Variants in LY75 observed in about 807,000 individuals in gnomAD.
LY75 encodes the protein lymphocyte antigen 75.
A neutral mutation model predicts 231.7 loss-of-function variants in LY75; 185 were observed. That is an observed-to-expected ratio of 0.80 (90% CI 0.71 to 0.90). The LOEUF (loss-of-function observed/expected upper bound fraction) is 0.90. Ranked by LOEUF, LY75 falls within the 40% of genes least tolerant of loss-of-function variation. LY75 has a pLI of 0.00. For missense variants in LY75, 1,947 were observed against 2,050.2 expected (o/e 0.95, Z 0.97); for synonymous variants, 668 against 689.0 (o/e 0.97, Z 0.48).
In LY75 at chr2:159,854,342, T is replaced by C. The variant is rs1468617434; in HGVS notation, c.2595+18A>G. On this transcript the variant is annotated intron_variant, in intron 18 of 34. Transcript: ENST00000263636. ...ACAAAAATAAGAAATATATTTAAAA[T>C]ATATTCTTTTAAATTACATTTGCTA... The C allele has an allele frequency of 7.5e-7, 1 of 1,326,386 alleles. No individual in the cohort carries two copies. Among genetic ancestry groups the C allele is most frequent in the Non-Finnish European group, 9.8e-7 (1 of 1,020,888 alleles). The allele number at this position is 1,326,386 out of a possible 1,614,324, so 82.2% of individuals were successfully genotyped here. A position where few individuals can be genotyped will look rare whatever the true frequency, so the allele number is the denominator to read the frequency against.
intron 23 of LY75, among the ~76,000 whole-genome samples, chr2:159,844,486 T>C (rs1052065627): frequency 3.9e-5 from 6 of 152,114 alleles, no homozygotes; most frequent in Non-Finnish European, 8.8e-5. Context: ...CCTGTTGAGG[T>C]CCAGATCAAG....
At chr2:159,808,352 A>G in intron 33 of LY75, 97 bp downstream of exon 33, 2 of 1,595,308 alleles carry the variant, frequency 1.3e-6, no homozygotes, top group Non-Finnish European at 8.5e-7. Context: ...AGGCATCTGA[A>G]TTAGCCACTA....
At position 159,807,947 on chromosome 2, in the gene LY75, C is replaced by T. The variant is rs192874114; in HGVS notation, c.4822+502G>A. 6.3e-5 allele frequency: 61 copies of T among 960,986 alleles called. No homozygotes were observed. The African/African-American group carries it at 8.1e-4, about 13-fold the overall frequency. 59.5% of individuals were successfully genotyped at this position (960,986 alleles called of 1,614,324 possible). On this transcript the variant is annotated intron_variant, in intron 33 of 34. Coordinates refer to ENST00000263636, the MANE Select transcript of LY75 (RefSeq NM_002349.4). ...TAATGGCAAAAGCTGCAATTACTTT[C>T]ACACCAACCTAACACTAAGACAGTT...
At chr2:159,822,496 TGGGCA>T (rs2125835052) in intron 28 of LY75, among the ~76,000 whole-genome samples, 1 of 152,322 alleles carries the variant, frequency 6.6e-6, no homozygotes, top group East Asian at 1.9e-4. Flanking sequence ...TTCTCCTCTC[TGGGCA>T]GGGCATCTCT....
In LY75 at chr2:159,853,395, G is replaced by T. The variant is rs776381057; in HGVS notation, c.2664-43C>A. 11 of 1,596,128 alleles carry T rather than the reference G, an allele frequency of 6.9e-6. 1 individual carries two copies. The South Asian group carries it at 1.2e-4, about 18-fold the overall frequency. On this transcript the variant is annotated intron_variant, in intron 19 of 34. Coordinates refer to ENST00000263636, the MANE Select transcript of LY75 (RefSeq NM_002349.4). ...ATTTGACAACTCGTAATGTAATTAG[G>T]TGTTCCATTTTTTTCTTTTTACTGT...
intron 25 of LY75, among the ~76,000 whole-genome samples, chr2:159,837,041 T>C (rs1683852066): frequency 6.6e-6 from 1 of 152,250 alleles, no homozygotes; most frequent in Admixed American, 6.5e-5. Context: ...ACATTGTTGG[T>C]GGGATTATAA....
At chr2:159,845,522 C>T (rs1684174253) in intron 23 of LY75, among the ~76,000 whole-genome samples, 1 of 151,142 alleles carries the variant, frequency 6.6e-6, no homozygotes, top group Admixed American at 6.6e-5. Flanking sequence ...ATTCAACCAA[C>T]TGCAGATGGA....
At position 159,842,392 on chromosome 2, in the gene LY75, T is replaced by C; in HGVS notation, c.3151-18A>G. 1.9e-6 allele frequency: 3 copies of C among 1,601,122 alleles called. No individual in the cohort carries two copies. Among genetic ancestry groups the C allele is most frequent in the Non-Finnish European group, 2.6e-6 (3 of 1,172,774 alleles). On this transcript the variant is annotated intron_variant, in intron 23 of 34. Transcript: ENST00000263636. The stretch of plus-strand genomic sequence containing the variant: ...TCAAAAAACTAAACAAAAAGGCAAA[T>C]ACATACATGCAATCATGTAACAATG...
chr2:159,807,274 T>A lies in LY75; in HGVS notation c.4823-134A>T. ...TTGTTAAAATAAAATGCATTAAAAA[T>A]GAAAAAAATAAAATCAGTTCTTCAG... On this transcript the variant is annotated intron_variant, in intron 33 of 34. Transcript: ENST00000263636. 4 of 1,114,058 alleles carry A rather than the reference T, an allele frequency of 3.6e-6. No individual in the cohort carries two copies. In the South Asian group the frequency reaches 5.5e-5, roughly 15 times the overall value. 69.0% of individuals were successfully genotyped at this position (1,114,058 alleles called of 1,614,324 possible). A position where few individuals can be genotyped will look rare whatever the true frequency, so the allele number is the denominator to read the frequency against.
At chr2:159,899,137 C>G (rs1436786561) in intron 1 of LY75, 78 bp from the exon 2 acceptor site, 21 of 1,536,780 alleles carry the variant, frequency 1.4e-5, no homozygotes, top group Non-Finnish European at 1.7e-5. Context: ...AGAGTCTGAG[C>G]ACTACTGGAC....
chr2:159,836,899 A>T (rs774775374), intron 25 of LY75, among the ~76,000 whole-genome samples: 8 of 152,222 alleles, frequency 5.3e-5, no homozygotes, highest in Non-Finnish European at 1.2e-4. Context: ...TTTCCATTCC[A>T]TCTAAATAAA....
At position 159,866,681 on chromosome 2, in the gene LY75, C is replaced by T. The variant is rs139984750; in HGVS notation, c.2118-1761G>A. The stretch of plus-strand genomic sequence containing the variant: ...CATACACAGCACAATTAAAGCCAGA[C>T]GGCTAAAATAGAGAGGCAGTTAAGT... On this transcript the variant is annotated intron_variant, in intron 13 of 34. Coordinates refer to ENST00000263636, the MANE Select transcript of LY75 (RefSeq NM_002349.4). Among the ~76,000 whole-genome samples, 735 of 152,274 alleles carry T rather than the reference C, an allele frequency of 4.8e-3. 3 individuals carry two copies. The highest frequency in any genetic ancestry group is 0.017 in the African/African-American group (692 of 41,568).
chr2:159,826,383 G>T (rs559554810), intron 28 of LY75, among the ~76,000 whole-genome samples: 1 of 152,114 alleles, frequency 6.6e-6, no homozygotes, highest in East Asian at 1.9e-4. Context: ...AAAATACCTA[G>T]GAATACAACT....
chr2:159,851,484 T>C (rs1684400909), intron 21 of LY75, among the ~76,000 whole-genome samples: 1 of 152,202 alleles, frequency 6.6e-6, no homozygotes, highest in Non-Finnish European at 1.5e-5. Context: ...GGAAGCCTTA[T>C]ATTAAGGATG....
chr2:159,808,916 G>A (rs1682870791), intron 32 of LY75, among the ~76,000 whole-genome samples: 1 of 152,194 alleles, frequency 6.6e-6, no homozygotes, highest in Admixed American at 6.5e-5. Context: ...GCTAGGATAT[G>A]TGGGAACTGG....
At chr2:159,813,780 G>A (rs6432564) in intron 31 of LY75, 2 of 152,088 alleles carry the variant, frequency 1.3e-5, no homozygotes, top group African/African-American at 4.8e-5. Flanking sequence ...GGGAATCTTT[G>A]GGGAGGAGGC....
chr2:159,888,642 C>A (rs752855951), intron 4 of LY75, among the ~76,000 whole-genome samples: 1 of 152,126 alleles, frequency 6.6e-6, no homozygotes, highest in Non-Finnish European at 1.5e-5. Flanking sequence ...ATTACTTAGA[C>A]AATACATGTT....
intron 13 of LY75, among the ~76,000 whole-genome samples, chr2:159,871,233 A>G (rs1476954175): frequency 6.6e-6 from 1 of 152,168 alleles, no homozygotes; most frequent in African/African-American, 2.4e-5. Flanking sequence ...ATGCATTTTC[A>G]GTACCTATTA....
At chr2:159,843,453 C>G (rs1684103953) in intron 23 of LY75, among the ~76,000 whole-genome samples, 1 of 149,718 alleles carries the variant, frequency 6.7e-6, no homozygotes, top group Non-Finnish European at 1.5e-5. Context: ...CAAAATGTAA[C>G]AATCACTTTG....
Sources: allele counts gnomAD v4.1 joint callset (sites outside exome capture counted in the v4.1 genomes callset), GRCh38; gene constraint gnomAD v4.1.1; transcripts MANE v1.5; gene names NCBI Gene and HGNC (gene_info 2026-07-23, HGNC 2026-07-21).